SRRM4: variants seen among roughly 807,000 people sequenced by gnomAD.
SRRM4 encodes serine/arginine repetitive matrix 4, also known as serine/arginine repetitive matrix protein 4.
In SRRM4, 33 loss-of-function variants were observed where a neutral mutation model predicts 68.9. That is an observed-to-expected ratio of 0.48 (90% CI 0.36 to 0.64). The LOEUF (loss-of-function observed/expected upper bound fraction) is 0.64. Among genes scored for constraint, SRRM4 ranks in the 30% least tolerant of loss-of-function variants. The pLI is 0.00. For synonymous variants in SRRM4, 318 were observed against 318.8 expected (o/e 1.00, Z 0.03); for missense variants, 817 against 827.1 (o/e 0.99, Z 0.15).
chr12:119,097,730 A>C (rs1954054311), intron 1 of SRRM4, among the ~76,000 whole-genome samples: 2 of 152,156 alleles, frequency 1.3e-5, no homozygotes, highest in Admixed American at 1.3e-4. Context: ...TGTTGCTGAC[A>C]ATGATGGATG....
intron 1 of SRRM4, among the ~76,000 whole-genome samples, chr12:119,009,501 G>C (rs1017131139): frequency 4.6e-5 from 7 of 152,306 alleles, no homozygotes; most frequent in Admixed American, 1.3e-4. Context: ...TCAGCCATCA[G>C]AGTTGCCTTC....
intron 1 of SRRM4, among the ~76,000 whole-genome samples, chr12:119,047,929 CAG>C (rs1378558981): frequency 2.0e-5 from 3 of 152,202 alleles, no homozygotes; most frequent in Non-Finnish European, 4.4e-5. Flanking sequence ...GGAAGCAGAA[CAG>C]AGAACCATAA....
chr12:119,007,468 T>G (rs1421161468), intron 1 of SRRM4, among the ~76,000 whole-genome samples: 1 of 152,164 alleles, frequency 6.6e-6, no homozygotes, highest in Non-Finnish European at 1.5e-5. Context: ...TTGGACATGT[T>G]TTTTTTATTC....
intron 1 of SRRM4, among the ~76,000 whole-genome samples, chr12:119,027,109 G>A (rs1018034796): frequency 2.0e-5 from 3 of 152,148 alleles, no homozygotes; most frequent in Admixed American, 6.5e-5. Context: ...ATCCCAAGGG[G>A]AGCAGCTGAG....
Position 119,160,289 on chromosome 12 carries a change from G to GTCTCTCTCTCTCTCTCTCTCTCTCTC in SRRM4, c.*3500_*3525dup, listed in dbSNP as rs55907957. On this transcript the variant is annotated 3_prime_UTR_variant, in exon 13 of 13. Transcript: ENST00000267260. ...TGTCTCTCTCTCTGTCTCTCTCTCT[G>GTCTCTCTCTCTCTCTCTCTCTCTCTC]TCTCTCTCTCTCTCTCTCTCTCTCT... The GTCTCTCTCTCTCTCTCTCTCTCTCTC allele has an allele frequency of 1.4e-5, 2 of 143,148 alleles. No individual in the cohort carries two copies. Among genetic ancestry groups the GTCTCTCTCTCTCTCTCTCTCTCTCTC allele is most frequent in the South Asian group, 2.3e-4 (1 of 4,356 alleles). 8.9% of individuals were successfully genotyped at this position (143,148 alleles called of 1,614,324 possible).
In SRRM4 at chr12:119,154,302, G is replaced by T; in HGVS notation, c.1451G>T (p.Arg484Leu). The change falls in exon 12 of 13, where the codon CGT becomes CTT. Residue 484 changes from arginine to leucine, a missense_variant. Arg to Leu is a moderately radical substitution (Grantham distance 102, BLOSUM62 -2). Coordinates refer to ENST00000267260, the MANE Select transcript of SRRM4 (RefSeq NM_194286.4). This position sits in a 1 kb window ranked among gnomAD's most constrained non-coding sequence, Gnocchi z 4.7. ...DSQQRERERA[R>L]RRRRSYSPMR... Reference sequence around the variant, plus strand: ...CAGCAGCGGGAGCGCGAGCGAGCGCGTCGGAGACGTCGGTCCTACTCGCCT... The same window carrying T: ...CAGCAGCGGGAGCGCGAGCGAGCGCTTCGGAGACGTCGGTCCTACTCGCCT... 1 of 1,611,948 alleles carries T rather than the reference G, an allele frequency of 6.2e-7. No individual in the cohort carries two copies. The highest frequency in any genetic ancestry group is 8.5e-7 in the Non-Finnish European group (1 of 1,179,200).
intron 1 of SRRM4, among the ~76,000 whole-genome samples, chr12:119,085,836 G>A (rs1434799697): frequency 6.6e-6 from 1 of 152,114 alleles, no homozygotes; most frequent in East Asian, 1.9e-4. Flanking sequence ...TTTGGAGTCA[G>A]AATGGGCAAG....
chr12:119,123,531 C>T (rs1007294003), intron 6 of SRRM4, among the ~76,000 whole-genome samples: 11 of 152,010 alleles, frequency 7.2e-5, no homozygotes, highest in Admixed American at 2.6e-4. Flanking sequence ...GGACTGCCTG[C>T]GTAAGGGGAG....
At chr12:119,139,106 C>A (rs1265731775) in intron 8 of SRRM4, among the ~76,000 whole-genome samples, 1 of 152,050 alleles carries the variant, frequency 6.6e-6, no homozygotes, top group African/African-American at 2.4e-5. Context: ...TTATGAGAGG[C>A]CTATTATATA....
chr12:119,062,743 G>C (rs1953822359), intron 1 of SRRM4, among the ~76,000 whole-genome samples: 1 of 152,104 alleles, frequency 6.6e-6, no homozygotes, highest in South Asian at 2.1e-4. Flanking sequence ...TAATCGCATG[G>C]GACCACCATC....
intron 5 of SRRM4, among the ~76,000 whole-genome samples, chr12:119,120,575 G>A (rs1257795484): frequency 6.6e-6 from 1 of 152,122 alleles, no homozygotes; most frequent in Admixed American, 6.5e-5. Flanking sequence ...GGGGCACATA[G>A]GGAAACAGTC....
chr12:119,143,156 C>G (rs1345446542), intron 8 of SRRM4, among the ~76,000 whole-genome samples: 1 of 152,202 alleles, frequency 6.6e-6, no homozygotes, highest in Admixed American at 6.5e-5. Context: ...CCTGCCTCCC[C>G]AGCCCCAGGA....
chr12:119,048,289 G>C (rs78812276), intron 1 of SRRM4, among the ~76,000 whole-genome samples: 1 of 152,202 alleles, frequency 6.6e-6, no homozygotes, highest in Non-Finnish European at 1.5e-5. Context: ...CAAATCAGGG[G>C]TGAGCCCATG....
chr12:119,009,325 G>C (rs1241325674), intron 1 of SRRM4, among the ~76,000 whole-genome samples: 2 of 152,170 alleles, frequency 1.3e-5, no homozygotes, highest in African/African-American at 4.8e-5. Context: ...GGCCAAGAAA[G>C]GGATGGGACG....
At chr12:119,130,158 T>C (rs941166912) in intron 7 of SRRM4, among the ~76,000 whole-genome samples, 2 of 151,244 alleles carry the variant, frequency 1.3e-5, no homozygotes, top group African/African-American at 2.4e-5. Context: ...GATGGATGGA[T>C]AGATGAATGA....
chr12:119,153,946 C>G (rs1296551106), intron 11 of SRRM4, among the ~76,000 whole-genome samples: 1 of 152,046 alleles, frequency 6.6e-6, no homozygotes. Context: ...TACCCACGCA[C>G]CAGGGCCTGC....
chr12:119,125,716 T>G (rs577269597), intron 7 of SRRM4, among the ~76,000 whole-genome samples: 1 of 152,004 alleles, frequency 6.6e-6, no homozygotes, highest in East Asian at 2.0e-4. Flanking sequence ...GATCAGGAGT[T>G]CAAGACCAGC....
chr12:119,068,556 A>G (rs553069494), intron 1 of SRRM4, among the ~76,000 whole-genome samples: 3 of 152,276 alleles, frequency 2.0e-5, no homozygotes, highest in Admixed American at 1.3e-4. Context: ...CCTTCTGTGC[A>G]TATGTGAAAT....
intron 1 of SRRM4, among the ~76,000 whole-genome samples, chr12:119,037,886 T>G (rs983981799): frequency 1.5e-4 from 23 of 152,228 alleles, no homozygotes; most frequent in African/African-American, 5.3e-4. Context: ...AATTTCAGCT[T>G]CCTCAACTGT....
Sources: gnomAD v4.1 joint callset for allele counts (sites outside exome capture counted in the v4.1 genomes callset) on GRCh38, gnomAD v4.1.1 for gene constraint, Gnocchi (gnomAD v3.1) non-coding constraint, MANE v1.5 for transcripts, NCBI Gene and HGNC (gene_info 2026-07-23, HGNC 2026-07-21) for gene names.